PAX2: variants seen among roughly 807,000 people sequenced by gnomAD.
PAX2 encodes paired box 2.
Under a neutral mutation model 41.7 loss-of-function variants are expected in PAX2, and 9 were observed. The ratio of observed to expected loss-of-function variants is 0.22; its 90% CI spans 0.13 to 0.38. The LOEUF is 0.38. PAX2 is among the 10% of genes least tolerant of loss of function. The pLI is 1.00. For synonymous variants in PAX2, 221 were observed against 212.7 expected (o/e 1.04, Z -0.34); for missense variants, 418 against 531.6 (o/e 0.79, Z 2.10).
intron 5 of PAX2, among the ~76,000 whole-genome samples, chr10:100,803,848 C>T (rs1045770447): frequency 1.6e-4 from 24 of 152,052 alleles, no homozygotes; most frequent in Admixed American, 1.4e-3. Context: ...TCCTTTGCTG[C>T]CTCTGTAACC....
intron 3 of PAX2, among the ~76,000 whole-genome samples, chr10:100,751,953 C>T (rs577346448): frequency 6.6e-6 from 1 of 152,202 alleles, no homozygotes; most frequent in Non-Finnish European, 1.5e-5. Flanking sequence ...TTCATAAGCT[C>T]ATTATCAGGG....
chr10:100,798,995 C>T lies in PAX2; in HGVS notation c.617-7435C>T, dbSNP rs118128923. 2.6e-4 allele frequency among the ~76,000 whole-genome samples: 40 copies of T among 152,404 alleles called. No individual in the cohort carries two copies. In the East Asian group the frequency reaches 7.7e-3, roughly 29 times the overall value. ...AGGTAATTAATGACTCCATTTGCCT[C>T]ACTACCGAGGAGAACAATTGAGTTT... On this transcript the variant is annotated intron_variant, in intron 5 of 9. Coordinates refer to ENST00000355243, the MANE Select transcript of PAX2 (RefSeq NM_000278.5).
chr10:100,760,891 G>C (rs760755704), intron 3 of PAX2, among the ~76,000 whole-genome samples: 3 of 152,124 alleles, frequency 2.0e-5, no homozygotes, highest in Non-Finnish European at 4.4e-5. Flanking sequence ...CTCACTCCCC[G>C]CTGCTTCTCT....
At chr10:100,771,016 A>G (rs1449984055) in intron 3 of PAX2, among the ~76,000 whole-genome samples, 1 of 152,194 alleles carries the variant, frequency 6.6e-6, no homozygotes, top group Non-Finnish European at 1.5e-5. Context: ...AGAGTTCAGA[A>G]ACTCTAATTC....
intron 3 of PAX2, among the ~76,000 whole-genome samples, chr10:100,773,864 T>C (rs2133883169): frequency 6.6e-6 from 1 of 152,292 alleles, no homozygotes; most frequent in African/African-American, 2.4e-5. Context: ...TGCTTTCCTG[T>C]CACAAATAAT....
chr10:100,828,448 G>C lies in PAX2; in HGVS notation c.*829G>C, dbSNP rs970396672. 3.4e-5 allele frequency: 8 copies of C among 234,414 alleles called. No homozygotes were observed. The highest frequency in any genetic ancestry group is 1.8e-4 in the African/African-American group (8 of 45,348). The allele number at this position is 234,414 out of a possible 1,614,324, so 14.5% of individuals were successfully genotyped here. On this transcript the variant is annotated 3_prime_UTR_variant, in exon 10 of 10. Transcript: ENST00000355243. The surrounding 1 kb of genome is among the most constrained non-coding windows in gnomAD (Gnocchi z 6.5). Reference sequence around the variant, plus strand: ...TCAGCCCTGCCTTGCCCCTACCTCAGCGTCTCTTCCACCTGCTGGCCTCCC... The same window carrying C: ...TCAGCCCTGCCTTGCCCCTACCTCACCGTCTCTTCCACCTGCTGGCCTCCC...
rs773306707 is a variant in PAX2 at position 100,750,831 on chromosome 10, G to A, written c.350G>A (p.Arg117Gln). The A allele has an allele frequency of 1.4e-5, 22 of 1,614,090 alleles. No homozygotes were observed. The highest frequency in any genetic ancestry group is 1.8e-5 in the Non-Finnish European group (21 of 1,180,034). ...ATGTTCGCCTGGGAGATTCGAGACC[G>A]GCTCCTGGCCGAGGGCATCTGTGAC... is the stretch of plus-strand genomic sequence containing the variant. The part of the protein sequence containing the change: ...PTMFAWEIRD[R>Q]LLAEGICDND... Residue 117 changes from arginine to glutamine, a missense_variant, in exon 3 of 10, where the codon CGG (arginine) becomes CAG (glutamine). By Grantham distance (43) the Arg-to-Gln change is conservative. This residue lies in a region of PAX2 where 108 missense variants were observed against 206.3 expected (regional missense o/e 0.52). Transcript: ENST00000355243. The surrounding 1 kb of genome is among the most constrained non-coding windows in gnomAD (Gnocchi z 4.1).
chr10:100,806,320 G>A, intron 5 of PAX2, 110 bp from the exon 6 acceptor site: 2 of 1,105,384 alleles, frequency 1.8e-6, no homozygotes, highest in Non-Finnish European at 2.8e-6. Flanking sequence ...GGTCCCATAG[G>A]GGTGCAGAGC....
chr10:100,752,827 G>C (rs1845490535), intron 3 of PAX2, among the ~76,000 whole-genome samples: 1 of 152,158 alleles, frequency 6.6e-6, no homozygotes, highest in Admixed American at 6.5e-5. Context: ...GCTGGCTTAG[G>C]CATAAGTTTG....
At chr10:100,749,271 C>G (rs1399012093) in intron 1 of PAX2, 9 of 996,124 alleles carry the variant, frequency 9.0e-6, no homozygotes, top group Non-Finnish European at 1.1e-5. Flanking sequence ...AACAGTCAGC[C>G]GAGCCTCGAC....
Position 100,784,418 on chromosome 10 carries a change from C to G in PAX2, c.616+3053C>G, listed in dbSNP as rs1447512425. Among the ~76,000 whole-genome samples the G allele has an allele frequency of 1.1e-4, 16 of 152,306 alleles. No individual in the cohort carries two copies. In the East Asian group the frequency reaches 1.7e-3, roughly 17 times the overall value. On this transcript the variant is annotated intron_variant, in intron 5 of 9. Coordinates refer to ENST00000355243, the MANE Select transcript of PAX2 (RefSeq NM_000278.5). ...CTAGAGGGAATGGAGGGGCTCATCT[C>G]CCTCCAGGAGGACCCTTAAAGACCC... is the stretch of plus-strand genomic sequence containing the variant.
chr10:100,750,660 C>T lies in PAX2; in HGVS notation c.213-34C>T. 1 of 1,603,734 alleles carries T rather than the reference C, an allele frequency of 6.2e-7. No individual in the cohort carries two copies. The highest frequency in any genetic ancestry group is 2.2e-5 in the East Asian group (1 of 44,796). Reference sequence around the variant, plus strand: ...AGCCCCCCTGCCCCGCCACAGTCCGCTTCTGGCTGACCCCGCCGGCTTTCC... The same window carrying T: ...AGCCCCCCTGCCCCGCCACAGTCCGTTTCTGGCTGACCCCGCCGGCTTTCC... On this transcript the variant is annotated intron_variant, in intron 2 of 9. Coordinates refer to ENST00000355243, the MANE Select transcript of PAX2 (RefSeq NM_000278.5). This position sits in a 1 kb window ranked among gnomAD's most constrained non-coding sequence, Gnocchi z 4.1.
chr10:100,740,158 G>A (rs1288713977), intron 1 of PAX2, among the ~76,000 whole-genome samples: 1 of 152,224 alleles, frequency 6.6e-6, no homozygotes, highest in African/African-American at 2.4e-5. Context: ...GACCGGACGG[G>A]ATTTCCTTCC....
chr10:100,805,333 G>A (rs1452554852), intron 5 of PAX2, among the ~76,000 whole-genome samples: 1 of 152,140 alleles, frequency 6.6e-6, no homozygotes, highest in Non-Finnish European at 1.5e-5. Flanking sequence ...GGAACACCCT[G>A]GGGCCTCCGG....
chr10:100,761,265 A>G (rs1307096558), intron 3 of PAX2, among the ~76,000 whole-genome samples: 1 of 151,990 alleles, frequency 6.6e-6, no homozygotes, highest in Non-Finnish European at 1.5e-5. Context: ...TAGCTCCTGC[A>G]GAGAGTACAG....
At chr10:100,808,649 T>C (rs1248336942) in intron 6 of PAX2, among the ~76,000 whole-genome samples, 1 of 151,892 alleles carries the variant, frequency 6.6e-6, no homozygotes, top group Non-Finnish European at 1.5e-5. Flanking sequence ...CTGTCATTGT[T>C]TGTTTTTAAA....
chr10:100,738,289 A>G (rs1844839935), intron 1 of PAX2, among the ~76,000 whole-genome samples: 1 of 152,118 alleles, frequency 6.6e-6, no homozygotes, highest in African/African-American at 2.4e-5. Context: ...CCCGTTATTA[A>G]CTGCTGTGTT....
intron 5 of PAX2, among the ~76,000 whole-genome samples, chr10:100,794,024 C>G (rs1270389827): frequency 6.6e-6 from 1 of 152,136 alleles, no homozygotes; most frequent in Non-Finnish European, 1.5e-5. Context: ...GGGCTTCAGC[C>G]TGGGAGCCTG....
At chr10:100,784,515 C>T (rs1311211106) in intron 5 of PAX2, among the ~76,000 whole-genome samples, 2 of 152,202 alleles carry the variant, frequency 1.3e-5, no homozygotes, top group African/African-American at 4.8e-5. Flanking sequence ...CAAGGGCAAG[C>T]TGTGAATCTC....
Sources: gnomAD v4.1 joint callset for allele counts (sites outside exome capture counted in the v4.1 genomes callset) on GRCh38, gnomAD v4.1.1 for gene constraint, gnomAD v4.1.1 regional missense constraint, Gnocchi (gnomAD v3.1) non-coding constraint, MANE v1.5 for transcripts, NCBI Gene and HGNC (gene_info 2026-07-23, HGNC 2026-07-21) for gene names.